The following SH3RF1 variants were observed in gnomAD, a reference collection of about 807,000 sequenced individuals.
SH3RF1 encodes the protein E3 ubiquitin-protein ligase SH3RF1.
SH3RF1 carries 32 observed loss-of-function variants against 74.0 expected under a neutral mutation model. The observed-to-expected ratio is 0.43, with a 90% CI of 0.33 to 0.58. SH3RF1 has a LOEUF of 0.58. Ranked by LOEUF, SH3RF1 falls within the 20% of genes least tolerant of loss-of-function variation. The probability of loss-of-function intolerance (pLI) is 0.05; values close to 1 mark genes in which losing one functional copy is unlikely to be tolerated. For synonymous variants in SH3RF1, 396 were observed against 439.6 expected (o/e 0.90, Z 1.24); for missense variants, 954 against 1,130.9 (o/e 0.84, Z 2.24).
chr4:169,269,599 G>A (rs2068899), intron 1 of SH3RF1: 12,283 of 165,086 alleles, frequency 0.074, 565 homozygotes, highest in South Asian at 0.18. Context: ...AGTGCAATAA[G>A]GAACATAATT....
At chr4:169,115,557 G>C (rs1428491450) in intron 10 of SH3RF1, among the ~76,000 whole-genome samples, 1 of 152,114 alleles carries the variant, frequency 6.6e-6, no homozygotes, top group Non-Finnish European at 1.5e-5. Flanking sequence ...CTAGTTGCAA[G>C]AAAACAAACT....
intron 6 of SH3RF1, 67 bp downstream of exon 6, chr4:169,129,979 G>A (rs1733585605): frequency 2.4e-6 from 3 of 1,235,506 alleles, no homozygotes; most frequent in South Asian, 1.3e-5. Context: ...GTTAGGAGGT[G>A]GAGTGTGCCA....
At chr4:169,234,747 T>C (rs1421088050) in intron 2 of SH3RF1, among the ~76,000 whole-genome samples, 1 of 152,212 alleles carries the variant, frequency 6.6e-6, no homozygotes, top group Non-Finnish European at 1.5e-5. Context: ...AGGGATCTTT[T>C]CTACTAAAAA....
chr4:169,238,019 C>G (rs1730847936), intron 2 of SH3RF1, among the ~76,000 whole-genome samples: 1 of 152,164 alleles, frequency 6.6e-6, no homozygotes, highest in South Asian at 2.1e-4. Flanking sequence ...GATGTCTCCT[C>G]TTAATAATTT....
intron 2 of SH3RF1, among the ~76,000 whole-genome samples, chr4:169,172,353 C>T (rs1478789460): frequency 6.6e-6 from 1 of 152,142 alleles, no homozygotes; most frequent in Non-Finnish European, 1.5e-5. Context: ...AAGAATATGC[C>T]CGTACATGGA....
intron 4 of SH3RF1, among the ~76,000 whole-genome samples, chr4:169,146,933 G>A (rs1011404902): frequency 2.0e-5 from 3 of 152,112 alleles, no homozygotes; most frequent in African/African-American, 7.2e-5. Context: ...GACAGCAACC[G>A]CAAAGGAAGA....
At chr4:169,190,237 T>C (rs1419639126) in intron 2 of SH3RF1, among the ~76,000 whole-genome samples, 1 of 151,658 alleles carries the variant, frequency 6.6e-6, no homozygotes, top group African/African-American at 2.4e-5. Context: ...CAGAAGCAAA[T>C]GAAATTGAAA....
At chr4:169,206,515 AT>A (rs947051592) in intron 2 of SH3RF1, among the ~76,000 whole-genome samples, 22 of 152,230 alleles carry the variant, frequency 1.4e-4, no homozygotes, top group African/African-American at 5.3e-4. Flanking sequence ...TCCATAAAAA[AT>A]TTTTAAAAAT....
At chr4:169,196,935 T>C (rs545941459) in intron 2 of SH3RF1, among the ~76,000 whole-genome samples, 64 of 152,254 alleles carry the variant, frequency 4.2e-4, no homozygotes, top group Non-Finnish European at 8.1e-4. Context: ...TTTGCCTATT[T>C]AAAAAATAAT....
chr4:169,185,504 A>G (rs1734586520), intron 2 of SH3RF1, among the ~76,000 whole-genome samples: 1 of 152,220 alleles, frequency 6.6e-6, no homozygotes, highest in African/African-American at 2.4e-5. Context: ...CTTTTAAGGA[A>G]GTATTTTAGT....
At chr4:169,195,861 T>C (rs1734799702) in intron 2 of SH3RF1, among the ~76,000 whole-genome samples, 1 of 152,160 alleles carries the variant, frequency 6.6e-6, no homozygotes, top group African/African-American at 2.4e-5. Context: ...TTCTTTTAAT[T>C]TTTTTTAGAC....
At chr4:169,176,231 A>G (rs988769285) in intron 2 of SH3RF1, among the ~76,000 whole-genome samples, 3 of 152,168 alleles carry the variant, frequency 2.0e-5, no homozygotes, top group Non-Finnish European at 4.4e-5. Flanking sequence ...CATTGGTGAA[A>G]GGAATAAACA....
chr4:169,139,206 T>C (rs1733746171), intron 4 of SH3RF1, among the ~76,000 whole-genome samples: 1 of 152,180 alleles, frequency 6.6e-6, no homozygotes, highest in African/African-American at 2.4e-5. Flanking sequence ...CCTTTCAAAG[T>C]GCTGGGATTA....
At chr4:169,216,290 T>A (rs995816245) in intron 2 of SH3RF1, among the ~76,000 whole-genome samples, 4 of 152,030 alleles carry the variant, frequency 2.6e-5, no homozygotes, top group African/African-American at 9.7e-5. Context: ...TTCGAAAAAA[T>A]TGGAAATTAT....
rs750783750 is a variant in SH3RF1 at position 169,122,172 on chromosome 4, CCAG to C, written c.1271_1273del (p.Ala424del). ...TCCTGCCATGGGCCTCGGTCCCATT[CCAG>C]CAGCAGCAGCAGCGGCGGTGGCGCC... On this transcript the variant is annotated inframe_deletion, in exon 7 of 12. Coordinates refer to ENST00000284637, the MANE Select transcript of SH3RF1 (RefSeq NM_020870.4). The C allele has an allele frequency of 3.5e-5, 56 of 1,612,044 alleles. No individual in the cohort carries two copies. The African/African-American group carries it at 6.3e-4, about 18-fold the overall frequency.
chr4:169,183,054 C>T (rs1446547193), intron 2 of SH3RF1, among the ~76,000 whole-genome samples: 2 of 152,054 alleles, frequency 1.3e-5, no homozygotes, highest in Non-Finnish European at 2.9e-5. Flanking sequence ...GCCTGTAATC[C>T]CAGCAGTTTG....
At chr4:169,164,989 A>G (rs1734212130) in intron 2 of SH3RF1, among the ~76,000 whole-genome samples, 1 of 152,156 alleles carries the variant, frequency 6.6e-6, no homozygotes, top group East Asian at 1.9e-4. Context: ...AGTTTGTGTC[A>G]CTCATTGCCT....
intron 4 of SH3RF1, among the ~76,000 whole-genome samples, chr4:169,150,416 T>C (rs116375217): frequency 0.025 from 3,836 of 152,306 alleles, 80 homozygotes; most frequent in African/African-American, 0.051. Context: ...TTTTAAAATA[T>C]GTATACACTG....
In SH3RF1 at chr4:169,116,372, C is replaced by G; in HGVS notation, c.2036G>C (p.Ser679Thr). The change falls in exon 10 of 12, where the codon AGT (serine) becomes ACT (threonine). Residue 679 changes from serine to threonine, a missense_variant. By Grantham distance (58) the Ser-to-Thr change is moderately conservative. Transcript: ENST00000284637. ...ITSASLEAEP[S>T]GRIVTVLPGL... ...AGGGAGAACGGTCACTATCCGGCCA[C>G]TGGGCTCAGCCTCCAGAGAAGCACT... 1 of 1,614,210 alleles carries G rather than the reference C, an allele frequency of 6.2e-7. No homozygotes were observed. Among genetic ancestry groups the G allele is most frequent in the Non-Finnish European group, 8.5e-7 (1 of 1,180,040 alleles).
Sources: gnomAD v4.1 joint callset for allele counts (sites outside exome capture counted in the v4.1 genomes callset) on GRCh38, gnomAD v4.1.1 for gene constraint, MANE v1.5 for transcripts, NCBI Gene and HGNC (gene_info 2026-07-23, HGNC 2026-07-21) for gene names.